CAB39L: variants seen among roughly 807,000 people sequenced by gnomAD.
CAB39L encodes calcium-binding protein 39-like.
A neutral mutation model predicts 39.1 loss-of-function variants in CAB39L; 23 were observed. The observed-to-expected ratio is 0.59, with a 90% CI of 0.42 to 0.83. The LOEUF is 0.83. Among genes scored for constraint, CAB39L ranks in the 40% least tolerant of loss-of-function variants. CAB39L has a pLI of 0.00. For synonymous variants in CAB39L, 126 were observed against 137.2 expected, an observed-to-expected ratio of 0.92 and a Z score of 0.57; for missense variants, 366 against 391.9, an observed-to-expected ratio of 0.93 and a Z score of 0.56.
At chr13:49,331,510 G>A (rs1002148441) in intron 10 of CAB39L, among the ~76,000 whole-genome samples, 1 of 151,906 alleles carries the variant, frequency 6.6e-6, no homozygotes, top group Non-Finnish European at 1.5e-5. Context: ...GTCTAAAGGG[G>A]TTACTTTTCT....
chr13:49,443,083 T>TAAAAAAA (rs71078845), intron 1 of CAB39L, among the ~76,000 whole-genome samples: 1 of 116,538 alleles, frequency 8.6e-6, no homozygotes, highest in African/African-American at 3.3e-5. Context: ...ACAACAATGC[T>TAAAAAAA]AAAAAAAAAA....
rs796079933 is a variant in CAB39L at position 49,333,568 on chromosome 13, C to CT, written c.691-1479dup. ...TAGACCCACATTTCTTTCTTTCTTT[C>CT]TTTTTTTTTTTTTTTTTTTTTGAGA... On this transcript the variant is annotated intron_variant, in intron 9 of 10. Coordinates refer to ENST00000409308, the MANE Select transcript of CAB39L (RefSeq NM_001079670.3). Among the ~76,000 whole-genome samples the CT allele has an allele frequency of 9.2e-3, 1,033 of 111,892 alleles. 19 individuals are homozygous for CT. The highest frequency in any genetic ancestry group is 0.015 in the African/African-American group (397 of 27,140). The allele number at this position is 111,892 out of a possible 152,430, so 73.4% of individuals were successfully genotyped here. A position where few individuals can be genotyped will look rare whatever the true frequency, so the allele number is the denominator to read the frequency against.
intron 3 of CAB39L, among the ~76,000 whole-genome samples, chr13:49,393,424 G>C (rs1566113570): frequency 6.6e-6 from 1 of 151,898 alleles, no homozygotes; most frequent in Non-Finnish European, 1.5e-5. Context: ...AGAAATAGAA[G>C]ATGTACTTAT....
chr13:49,376,909 A>AGATAGATAGATAGATG, intron 5 of CAB39L, 58 bp downstream of exon 5: 1 of 1,357,096 alleles, frequency 7.4e-7, no homozygotes, highest in Middle Eastern at 1.9e-4. Flanking sequence ...ATAGATAGAT[A>AGATAGATAGATAGATG]GATAGATAGA....
At chr13:49,398,435 T>C (rs1254381534) in intron 3 of CAB39L, among the ~76,000 whole-genome samples, 2 of 152,076 alleles carry the variant, frequency 1.3e-5, no homozygotes, top group East Asian at 3.8e-4. Flanking sequence ...AACACAGTCA[T>C]ATATATATCC....
At chr13:49,314,414 G>C (rs912059118) in intron 10 of CAB39L, among the ~76,000 whole-genome samples, 1 of 152,162 alleles carries the variant, frequency 6.6e-6, no homozygotes, top group African/African-American at 2.4e-5. Context: ...CGTGCTTGCT[G>C]GAGGCAAAGT....
chr13:49,312,025 C>G (rs1237764469), intron 10 of CAB39L, among the ~76,000 whole-genome samples: 4 of 152,128 alleles, frequency 2.6e-5, no homozygotes, highest in African/African-American at 4.8e-5. Flanking sequence ...TCCCCAGTGG[C>G]TAGGACTACA....
intron 7 of CAB39L, among the ~76,000 whole-genome samples, chr13:49,346,531 T>C (rs1035271371): frequency 9.9e-5 from 15 of 152,180 alleles, no homozygotes; most frequent in African/African-American, 3.6e-4. Flanking sequence ...TAGTATATTA[T>C]GCTGAAAAAT....
Position 49,365,105 on chromosome 13 carries a change from G to A in CAB39L, c.277-5273C>T, listed in dbSNP as rs1437667260. Among the ~76,000 whole-genome samples the A allele has an allele frequency of 2.0e-5, 3 of 152,054 alleles. 1 individual carries two copies. The highest frequency in any genetic ancestry group is 4.2e-4 in the South Asian group (2 of 4,814). ...ATACTGGCATAAAAATAGACACACA[G>A]ACCAATGGAACAGAACAAAGAATCC... On this transcript the variant is annotated intron_variant, in intron 5 of 10. Coordinates refer to ENST00000409308, the MANE Select transcript of CAB39L (RefSeq NM_001079670.3).
chr13:49,403,323 C>T (rs1179082869), intron 3 of CAB39L, among the ~76,000 whole-genome samples: 2 of 151,900 alleles, frequency 1.3e-5, no homozygotes, highest in Admixed American at 6.6e-5. Flanking sequence ...TAAAAGTAAG[C>T]CCCGAAAGGA....
intron 3 of CAB39L, among the ~76,000 whole-genome samples, chr13:49,401,789 A>T (rs564965491): frequency 1.3e-3 from 197 of 152,308 alleles, no homozygotes; most frequent in African/African-American, 4.0e-3. Flanking sequence ...GGTTATTTTT[A>T]AAAAAGTCAT....
intron 7 of CAB39L, 59 bp from the exon 8 acceptor site, chr13:49,344,297 G>T: frequency 1.0e-6 from 1 of 964,970 alleles, no homozygotes. Flanking sequence ...TTACAAATGT[G>T]TCTTTTCTAA....
intron 6 of CAB39L, among the ~76,000 whole-genome samples, chr13:49,358,066 ATCTGC>A (rs1032991950): frequency 1.1e-4 from 16 of 152,232 alleles, no homozygotes; most frequent in Non-Finnish European, 1.8e-4. Flanking sequence ...GAACTAGAAC[ATCTGC>A]TCTGCACTAT....
intron 1 of CAB39L, among the ~76,000 whole-genome samples, chr13:49,440,898 A>C (rs1448094336): frequency 6.6e-6 from 1 of 151,974 alleles, no homozygotes; most frequent in African/African-American, 2.4e-5. Context: ...CCTTTGGTGG[A>C]GTCTTTAGGG....
chr13:49,378,831 G>A (rs1385901881), intron 4 of CAB39L, among the ~76,000 whole-genome samples: 58 of 45,542 alleles, frequency 1.3e-3, no homozygotes, highest in Non-Finnish European at 1.9e-3. Flanking sequence ...CTGCCCGGCC[G>A]CCCCTACTGG....
chr13:49,369,358 G>A (rs1432296417), intron 5 of CAB39L, among the ~76,000 whole-genome samples: 1 of 152,202 alleles, frequency 6.6e-6, no homozygotes, highest in Admixed American at 6.5e-5. Flanking sequence ...GTCCATCCAT[G>A]CAATGGACTA....
intron 3 of CAB39L, among the ~76,000 whole-genome samples, chr13:49,397,655 T>C (rs1419676556): frequency 6.6e-6 from 1 of 152,098 alleles, no homozygotes; most frequent in African/African-American, 2.4e-5. Flanking sequence ...CACACTGATG[T>C]TTCTGTTGAC....
intron 10 of CAB39L, among the ~76,000 whole-genome samples, chr13:49,317,836 C>G (rs778658680): frequency 6.6e-6 from 1 of 151,844 alleles, no homozygotes; most frequent in Non-Finnish European, 1.5e-5. Context: ...ACACACAGAA[C>G]GGGAGAAAAT....
At chr13:49,363,353 G>A (rs1433215801) in intron 5 of CAB39L, among the ~76,000 whole-genome samples, 1 of 152,096 alleles carries the variant, frequency 6.6e-6, no homozygotes, top group Admixed American at 6.6e-5. Context: ...GCAGGGGGAG[G>A]AAGTTAAGGT....
Sources: gnomAD v4.1 joint callset for allele counts (sites outside exome capture counted in the v4.1 genomes callset) on GRCh38, gnomAD v4.1.1 for gene constraint, MANE v1.5 for transcripts, NCBI Gene and HGNC (gene_info 2026-07-23, HGNC 2026-07-21) for gene names.